CCDC85C: variants seen among roughly 807,000 people sequenced by gnomAD.
CCDC85C encodes coiled-coil domain-containing protein 85C.
CCDC85C carries 18 observed loss-of-function variants against 38.3 expected under a neutral mutation model. The ratio of observed to expected loss-of-function variants is 0.47; its 90% CI spans 0.33 to 0.70. The LOEUF (loss-of-function observed/expected upper bound fraction) is 0.70. CCDC85C is among the 30% of genes least tolerant of loss of function. The pLI, the probability that CCDC85C is intolerant of heterozygous loss-of-function variation, is 0.03. For synonymous variants in CCDC85C, 264 were observed against 293.8 expected, an observed-to-expected ratio of 0.90 and a Z score of 1.04; for missense variants, 566 against 621.2, an observed-to-expected ratio of 0.91 and a Z score of 0.94.
chr14:99,553,781 G>A (rs1897959701), intron 1 of CCDC85C, among the ~76,000 whole-genome samples: 1 of 152,236 alleles, frequency 6.6e-6, no homozygotes, highest in Non-Finnish European at 1.5e-5. Flanking sequence ...CAGAAGCCCA[G>A]GGCTGGGCTG....
chr14:99,531,483 A>T (rs1196463762), intron 2 of CCDC85C, among the ~76,000 whole-genome samples: 1 of 151,892 alleles, frequency 6.6e-6, no homozygotes, highest in Non-Finnish European at 1.5e-5. Flanking sequence ...TAAAGCCAAC[A>T]TGAGAAAGAA....
At chr14:99,538,339 A>G (rs1897645937) in intron 1 of CCDC85C, among the ~76,000 whole-genome samples, 1 of 152,222 alleles carries the variant, frequency 6.6e-6, no homozygotes, top group African/African-American at 2.4e-5. Flanking sequence ...AGAAGCTGGC[A>G]GAGACTCAGA....
Position 99,507,409 on chromosome 14 carries a change from TA to T in CCDC85C, c.*7836del. 1 of 458,010 alleles carries T rather than the reference TA, an allele frequency of 2.2e-6. No individual in the cohort carries two copies. The highest frequency in any genetic ancestry group is 4.2e-5 in the East Asian group (1 of 24,060). The allele number at this position is 458,010 out of a possible 1,614,324, so 28.4% of individuals were successfully genotyped here. A position where few individuals can be genotyped will look rare whatever the true frequency, so the allele number is the denominator to read the frequency against. On this transcript the variant is annotated 3_prime_UTR_variant, in exon 6 of 6. Transcript: ENST00000380243. ...CTGGGCAACAAAGTGAGACCCTGTC[TA>T]AAAAATTAGCCAGGTGTGGTAGCAC...
chr14:99,552,736 T>C (rs1897935702), intron 1 of CCDC85C, among the ~76,000 whole-genome samples: 1 of 152,232 alleles, frequency 6.6e-6, no homozygotes, highest in South Asian at 2.1e-4. Context: ...AGGCTGCCTT[T>C]CACCCAGTAA....
rs1384454524 is a variant in CCDC85C at position 99,578,239 on chromosome 14, G to A, written c.793+24928C>T. ...TACAGCCCATCCTGTATCCCCCATCGGTGTGTTTGTGTGTGTGTGTGAGTG... is the reference window on the plus strand; with the variant it reads ...TACAGCCCATCCTGTATCCCCCATCAGTGTGTTTGTGTGTGTGTGTGAGTG... On this transcript the variant is annotated intron_variant, in intron 1 of 5. Coordinates refer to ENST00000380243, the MANE Select transcript of CCDC85C (RefSeq NM_001144995.2). Among the ~76,000 whole-genome samples the A allele has an allele frequency of 4.2e-4, 48 of 114,360 alleles. 2 individuals carry two copies. Among genetic ancestry groups the A allele is most frequent in the African/African-American group, 1.5e-3 (41 of 27,222 alleles). 75.0% of individuals were successfully genotyped at this position (114,360 alleles called of 152,430 possible). A position where few individuals can be genotyped will look rare whatever the true frequency, so the allele number is the denominator to read the frequency against.
rs377693082 is a variant in CCDC85C, at chr14:99,526,281, C to G, written c.868-4041G>C. Among the ~76,000 whole-genome samples, 976 of 152,318 alleles carry G rather than the reference C, an allele frequency of 6.4e-3. 12 individuals carry two copies. The highest frequency in any genetic ancestry group is 0.021 in the African/African-American group (881 of 41,566). The stretch of plus-strand genomic sequence containing the variant: ...CATCCACCCTCAGAGCAATGGGAAC[C>G]TGGGCAGGAAAAAGCCACATGAGCC... On this transcript the variant is annotated intron_variant, in intron 2 of 5. Transcript: ENST00000380243.
At chr14:99,573,868 C>A (rs570883789) in intron 1 of CCDC85C, among the ~76,000 whole-genome samples, 98 of 152,306 alleles carry the variant, frequency 6.4e-4, no homozygotes, top group African/African-American at 2.3e-3. Flanking sequence ...TTCTGGGCCG[C>A]CGAGCACTCC....
Position 99,500,732 on chromosome 14 carries a change from A to T in CCDC85C, c.*14514T>A. The stretch of plus-strand genomic sequence containing the variant: ...AATGCTGCTTGAGACCTGCAATTGT[A>T]ATTACTGTCCTAACATTTGTGATTG... On this transcript the variant is annotated 3_prime_UTR_variant, in exon 6 of 6. Transcript: ENST00000380243. 1 of 1,328,214 alleles carries T rather than the reference A, an allele frequency of 7.5e-7. No individual in the cohort carries two copies. The highest frequency in any genetic ancestry group is 1.1e-6 in the Non-Finnish European group (1 of 942,268). The allele number at this position is 1,328,214 out of a possible 1,614,324, so 82.3% of individuals were successfully genotyped here.
Position 99,603,488 on chromosome 14 carries a change from G to C in CCDC85C, c.472C>G (p.Leu158Val). 1 of 1,306,724 alleles carries C rather than the reference G, an allele frequency of 7.7e-7. No homozygotes were observed. The highest frequency in any genetic ancestry group is 9.7e-7 in the Non-Finnish European group (1 of 1,035,570). 80.9% of individuals were successfully genotyped at this position (1,306,724 alleles called of 1,614,324 possible). Residue 158 changes from leucine (L) to valine (V), a missense_variant, in exon 1 of 6, where the codon CTG becomes GTG. By Grantham distance (32) the Leu-to-Val change is conservative (BLOSUM62 1). Transcript: ENST00000380243. This position sits in a 1 kb window ranked among gnomAD's most constrained non-coding sequence, Gnocchi z 7.5. ...VLLLDEERAA[L>V]AATGAASGGG... is the part of the protein sequence containing the mutation. ...CCGCTTGCGGCCCCCGTCGCCGCCA[G>C]TGCCGCGCGCTCCTCGTCCAGCAGC...
rs1897701215 is a variant in CCDC85C, at chr14:99,540,950, T to C, written c.794-4862A>G. On this transcript the variant is annotated intron_variant, in intron 1 of 5. Coordinates refer to ENST00000380243, the MANE Select transcript of CCDC85C (RefSeq NM_001144995.2). ...CCACTGGGACCAGGACTCACTGGCC[T>C]TCTGGGAAGCTGTGAGGCAGGGGCT... Among the ~76,000 whole-genome samples, 3 of 152,162 alleles carry C rather than the reference T, an allele frequency of 2.0e-5. No homozygotes were observed. The South Asian group carries it at 6.2e-4, about 32-fold the overall frequency.
Position 99,503,454 on chromosome 14 carries a change from C to T in CCDC85C, c.*11792G>A, listed in dbSNP as rs953176352. On this transcript the variant is annotated 3_prime_UTR_variant, in exon 6 of 6. Coordinates refer to ENST00000380243, the MANE Select transcript of CCDC85C (RefSeq NM_001144995.2). The stretch of plus-strand genomic sequence containing the variant: ...AGCAGAAATGATGATCTGGTAGGTG[C>T]CGTGGTTTGCCCTGAAAGTTCAGGC... 6.4e-6 allele frequency: 4 copies of T among 627,628 alleles called. No individual in the cohort carries two copies. The highest frequency in any genetic ancestry group is 2.8e-5 in the Admixed American group (1 of 35,092). 38.9% of individuals were successfully genotyped at this position (627,628 alleles called of 1,614,324 possible). A position where few individuals can be genotyped will look rare whatever the true frequency, so the allele number is the denominator to read the frequency against.
chr14:99,553,621 C>G (rs958361010), intron 1 of CCDC85C, among the ~76,000 whole-genome samples: 21 of 152,306 alleles, frequency 1.4e-4, no homozygotes, highest in Non-Finnish European at 2.2e-4. Context: ...CCTCGGCCTC[C>G]CAAAGTGCTG....
At chr14:99,568,652 C>G (rs902404407) in intron 1 of CCDC85C, among the ~76,000 whole-genome samples, 2 of 152,308 alleles carry the variant, frequency 1.3e-5, no homozygotes, top group East Asian at 1.9e-4. Context: ...CAGGGTGAAA[C>G]CCTCAAGGAG....
At chr14:99,532,316 G>A (rs1017785529) in intron 2 of CCDC85C, among the ~76,000 whole-genome samples, 41 of 152,172 alleles carry the variant, frequency 2.7e-4, no homozygotes, top group Non-Finnish European at 3.8e-4. Flanking sequence ...CCCTGAGAAT[G>A]GGGCCACCAC....
rs549814750 is a variant in CCDC85C, at chr14:99,538,037, C to G, written c.794-1949G>C. Reference sequence around the variant, plus strand: ...TGACAGAGCTAGGACAAGAACGCACCAATGACTATGGACCCACGTGTGGGG... The same window carrying G: ...TGACAGAGCTAGGACAAGAACGCACGAATGACTATGGACCCACGTGTGGGG... On this transcript the variant is annotated intron_variant, in intron 1 of 5. Coordinates refer to ENST00000380243, the MANE Select transcript of CCDC85C (RefSeq NM_001144995.2). Among the ~76,000 whole-genome samples, 155 of 152,338 alleles carry G rather than the reference C, an allele frequency of 1.0e-3. 1 individual carries two copies. Among genetic ancestry groups the G allele is most frequent in the South Asian group, 2.3e-3 (11 of 4,816 alleles).
At chr14:99,551,943 G>A (rs1897920149) in intron 1 of CCDC85C, among the ~76,000 whole-genome samples, 1 of 152,190 alleles carries the variant, frequency 6.6e-6, no homozygotes, top group Non-Finnish European at 1.5e-5. Flanking sequence ...AAGAAGAAAG[G>A]AAAGCAGAGG....
intron 1 of CCDC85C, among the ~76,000 whole-genome samples, chr14:99,597,803 C>G (rs146284739): frequency 6.6e-6 from 1 of 152,090 alleles, no homozygotes; most frequent in East Asian, 1.9e-4. Flanking sequence ...CAGCTGCCTC[C>G]GACCCTACAC....
chr14:99,602,000 G>T (rs2055203771), intron 1 of CCDC85C, among the ~76,000 whole-genome samples: 1 of 152,074 alleles, frequency 6.6e-6, no homozygotes, highest in South Asian at 2.1e-4. Context: ...CAGGCTGAGG[G>T]GTTCTGGGGA....
Position 99,502,617 on chromosome 14 carries a change from T to C in CCDC85C, c.*12629A>G. The C allele has an allele frequency of 7.9e-7, 1 of 1,261,718 alleles. No individual in the cohort carries two copies. The highest frequency in any genetic ancestry group is 2.5e-5 in the East Asian group (1 of 39,982). The allele number at this position is 1,261,718 out of a possible 1,614,324, so 78.2% of individuals were successfully genotyped here. A position where few individuals can be genotyped will look rare whatever the true frequency, so the allele number is the denominator to read the frequency against. ...TGGGGTGAGTTGTAAATGTGATTCA[T>C]GCTTAGGTCCTCGTAGGGGTATCAT... On this transcript the variant is annotated 3_prime_UTR_variant, in exon 6 of 6. Transcript: ENST00000380243.
Sources: allele counts gnomAD v4.1 joint callset (sites outside exome capture counted in the v4.1 genomes callset), GRCh38; gene constraint gnomAD v4.1.1; non-coding constraint Gnocchi (gnomAD v3.1); transcripts MANE v1.5; gene names NCBI Gene and HGNC (gene_info 2026-07-23, HGNC 2026-07-21).